PTPRD: variants seen among roughly 807,000 people sequenced by gnomAD.
PTPRD encodes protein tyrosine phosphatase receptor type D, also known as receptor-type tyrosine-protein phosphatase delta.
In PTPRD, 34 loss-of-function variants were observed where a neutral mutation model predicts 214.5. The ratio of observed to expected loss-of-function variants is 0.16; its 90% CI spans 0.12 to 0.21. PTPRD has a LOEUF of 0.21. Among genes scored for constraint, PTPRD ranks in the 10% least tolerant of loss-of-function variants. PTPRD has a pLI of 1.00. For missense variants in PTPRD, 2,545 were observed against 2,398.7 expected (o/e 1.06, Z -1.27); for synonymous variants, 1,128 against 845.7 (o/e 1.33, Z -5.79).
At chr9:10,481,742 A>T (rs2132181545) in intron 2 of PTPRD, among the ~76,000 whole-genome samples, 1 of 152,294 alleles carries the variant, frequency 6.6e-6, no homozygotes, top group African/African-American at 2.4e-5. Flanking sequence ...AATTATATTA[A>T]AATTGGCTAA....
At chr9:8,695,985 C>A (rs1454220517) in intron 12 of PTPRD, among the ~76,000 whole-genome samples, 1 of 152,198 alleles carries the variant, frequency 6.6e-6, no homozygotes, top group African/African-American at 2.4e-5. Flanking sequence ...GTTATTGACT[C>A]CTTACCCTAT....
intron 2 of PTPRD, among the ~76,000 whole-genome samples, chr9:10,529,682 C>T (rs833429): frequency 0.16 from 24,692 of 150,322 alleles, 2,493 homozygotes; most frequent in East Asian, 0.47. Flanking sequence ...CAAAACTGCA[C>T]GTTCTGCACA....
chr9:10,207,552 A>G (rs1788266550), intron 3 of PTPRD, among the ~76,000 whole-genome samples: 1 of 152,050 alleles, frequency 6.6e-6, no homozygotes, highest in Non-Finnish European at 1.5e-5. Context: ...AAATATTATT[A>G]TGTAACTAAA....
chr9:9,140,582 T>A (rs2099858497), intron 10 of PTPRD, among the ~76,000 whole-genome samples: 2 of 152,184 alleles, frequency 1.3e-5, no homozygotes, highest in Admixed American at 6.5e-5. Flanking sequence ...GTGCTACATC[T>A]TTTTTTATTT....
rs1210776412 is a variant in PTPRD, at chr9:10,612,439, C to G, written c.-641G>C. On this transcript the variant is annotated 5_prime_UTR_variant, in exon 2 of 46. Transcript: ENST00000381196. ...GTCCTCCTTGGAAACCCTGAGGAGT[C>G]TTCTCTTTTCTTTCCTACCAGTCAA... 1 of 152,256 alleles carries G rather than the reference C, an allele frequency of 6.6e-6. No individual in the cohort carries two copies. Among genetic ancestry groups the G allele is most frequent in the Admixed American group, 6.5e-5 (1 of 15,286 alleles). The allele number at this position is 152,256 out of a possible 1,614,324, so 9.4% of individuals were successfully genotyped here. A position where few individuals can be genotyped will look rare whatever the true frequency, so the allele number is the denominator to read the frequency against.
At chr9:10,563,677 T>C (rs1393782403) in intron 2 of PTPRD, among the ~76,000 whole-genome samples, 8 of 152,100 alleles carry the variant, frequency 5.3e-5, no homozygotes, top group Non-Finnish European at 1.2e-4. Context: ...CGTTATTTTT[T>C]TTTATCTTTT....
intron 11 of PTPRD, among the ~76,000 whole-genome samples, chr9:8,837,496 T>TTTTTGTATTG (rs1555409614): frequency 3.3e-5 from 5 of 151,044 alleles, no homozygotes; most frequent in African/African-American, 9.8e-5. Flanking sequence ...TCTCTTCCTT[T>TTTTTGTATTG]TTTTGTTTTG....
At chr9:8,774,005 T>A (rs942838641) in intron 11 of PTPRD, among the ~76,000 whole-genome samples, 4 of 152,132 alleles carry the variant, frequency 2.6e-5, no homozygotes, top group African/African-American at 7.2e-5. Context: ...GCAGCCCTCC[T>A]CAACGCGCAA....
chr9:8,383,715 A>C (rs1027721062), intron 37 of PTPRD, among the ~76,000 whole-genome samples: 3 of 152,184 alleles, frequency 2.0e-5, no homozygotes, highest in Non-Finnish European at 4.4e-5. Flanking sequence ...GTTAAGTGTC[A>C]AAATTTCACT....
At chr9:8,892,736 T>G (rs13290170) in intron 11 of PTPRD, among the ~76,000 whole-genome samples, 27,570 of 148,954 alleles carry the variant, frequency 0.19, 3,154 homozygotes, top group Middle Eastern at 0.27. Context: ...TATATATGTA[T>G]GTATATATAT....
intron 3 of PTPRD, among the ~76,000 whole-genome samples, chr9:10,125,908 A>T (rs574680273): frequency 4.3e-4 from 66 of 152,288 alleles, no homozygotes; most frequent in African/African-American, 9.4e-4. Context: ...ATGTCTAAAG[A>T]TATGGTAATA....
chr9:8,523,431 T>C (rs1297218112), intron 19 of PTPRD, 82 bp downstream of exon 19: 3 of 1,491,032 alleles, frequency 2.0e-6, no homozygotes, highest in Admixed American at 1.7e-5. Flanking sequence ...ACAATGCAGC[T>C]ACATTCATTT....
intron 5 of PTPRD, among the ~76,000 whole-genome samples, chr9:9,884,290 G>A (rs2069940694): frequency 1.3e-5 from 2 of 152,068 alleles, no homozygotes; most frequent in African/African-American, 4.8e-5. Flanking sequence ...ATACCTTTAT[G>A]TTGTTCAGAA....
chr9:9,458,401 A>T (rs2093302895), intron 8 of PTPRD, among the ~76,000 whole-genome samples: 1 of 151,358 alleles, frequency 6.6e-6, no homozygotes, highest in African/African-American at 2.4e-5. Context: ...TGGTTTTAAC[A>T]AAAAAAAATT....
intron 10 of PTPRD, among the ~76,000 whole-genome samples, chr9:9,081,045 T>A (rs979101422): frequency 4.6e-5 from 7 of 152,092 alleles, no homozygotes; most frequent in Non-Finnish European, 8.8e-5. Flanking sequence ...AGCTTTTGAA[T>A]TTGTTTGCTC....
rs1394730015 is a variant in PTPRD, at chr9:9,086,841, AC to A, written c.-142-68107del. On this transcript the variant is annotated intron_variant, in intron 10 of 45. Transcript: ENST00000381196. Reference sequence around the variant, plus strand: ...ACTTCTGGGGAATTGGGCCAGTGAAACAAAAAAGTTGACCATAGCAAGCTGA... The same window carrying A: ...ACTTCTGGGGAATTGGGCCAGTGAAAAAAAAAGTTGACCATAGCAAGCTGA... 6.6e-5 allele frequency among the ~76,000 whole-genome samples: 10 copies of A among 152,318 alleles called. 1 individual carries two copies. In the South Asian group the frequency reaches 1.9e-3, roughly 28 times the overall value.
At chr9:9,195,611 G>A (rs1011922560) in intron 9 of PTPRD, among the ~76,000 whole-genome samples, 1 of 151,734 alleles carries the variant, frequency 6.6e-6, no homozygotes, top group African/African-American at 2.4e-5. Context: ...CACACAACTT[G>A]AAACCTTTCA....
chr9:8,726,735 A>T (rs1163513479), intron 12 of PTPRD, among the ~76,000 whole-genome samples: 3 of 140,300 alleles, frequency 2.1e-5, no homozygotes, highest in African/African-American at 7.9e-5. Context: ...CAGGAGATGG[A>T]GTTTGCAGTG....
intron 14 of PTPRD, among the ~76,000 whole-genome samples, chr9:8,538,462 T>C (rs981131716): frequency 2.0e-5 from 3 of 151,728 alleles, no homozygotes; most frequent in Admixed American, 2.0e-4. Flanking sequence ...AAACATTCAA[T>C]GTGGTTTCTT....
Sources: allele counts gnomAD v4.1 joint callset (sites outside exome capture counted in the v4.1 genomes callset), GRCh38; gene constraint gnomAD v4.1.1; transcripts MANE v1.5; gene names NCBI Gene and HGNC (gene_info 2026-07-23, HGNC 2026-07-21).